Variants in SNTG1 observed in about 807,000 individuals in gnomAD.
SNTG1 encodes syntrophin gamma 1.
In SNTG1, 39 loss-of-function variants were observed where a neutral mutation model predicts 74.7. The observed-to-expected ratio is 0.52, with a 90% confidence interval of 0.40 to 0.68. SNTG1 has a LOEUF of 0.68. Ranked by LOEUF, SNTG1 falls within the 30% of genes least tolerant of loss-of-function variation. The pLI is 0.00. For missense variants in SNTG1, 685 were observed against 609.5 expected, an observed-to-expected ratio of 1.12 and a Z score of -1.30; for synonymous variants, 254 against 217.1, an observed-to-expected ratio of 1.17 and a Z score of -1.49.
chr8:50,585,021 C>T (rs1469814359), intron 12 of SNTG1, among the ~76,000 whole-genome samples: 1 of 152,136 alleles, frequency 6.6e-6, no homozygotes, highest in Non-Finnish European at 1.5e-5. Flanking sequence ...GGCATTGGCT[C>T]TGGGTCATTC....
intron 2 of SNTG1, among the ~76,000 whole-genome samples, chr8:50,300,590 C>T (rs773119226): frequency 1.3e-5 from 2 of 151,372 alleles, no homozygotes; most frequent in African/African-American, 2.4e-5. Context: ...TTAAGTAAAG[C>T]AAATAAATTT....
At chr8:50,185,154 G>A (rs572744473) in intron 2 of SNTG1, among the ~76,000 whole-genome samples, 22 of 152,154 alleles carry the variant, frequency 1.4e-4, no homozygotes, top group Non-Finnish European at 2.2e-4. Context: ...CACATGTCAA[G>A]GGCAGGACCA....
intron 2 of SNTG1, among the ~76,000 whole-genome samples, chr8:50,341,636 T>C (rs17771220): frequency 0.013 from 2,000 of 151,994 alleles, 26 homozygotes; most frequent in Non-Finnish European, 0.021. Context: ...GAGAAAACAT[T>C]GTAGTAAAAA....
chr8:50,116,886 T>G (rs2080842544), intron 1 of SNTG1, among the ~76,000 whole-genome samples: 1 of 152,124 alleles, frequency 6.6e-6, no homozygotes, highest in African/African-American at 2.4e-5. Context: ...CAGAATGACC[T>G]TCAGAACTGC....
intron 11 of SNTG1, among the ~76,000 whole-genome samples, chr8:50,552,691 A>G (rs1011546494): frequency 3.3e-5 from 5 of 152,220 alleles, no homozygotes; most frequent in African/African-American, 1.2e-4. Context: ...AGAGGAGACA[A>G]TGGTAGCCAA....
intron 18 of SNTG1, among the ~76,000 whole-genome samples, chr8:50,779,134 T>G (rs190616241): frequency 1.3e-5 from 2 of 152,140 alleles, no homozygotes; most frequent in African/African-American, 2.4e-5. Context: ...AGTCAGGTAG[T>G]GTGATGCCTC....
At chr8:50,743,961 G>A (rs1255681893) in intron 17 of SNTG1, among the ~76,000 whole-genome samples, 2 of 132,726 alleles carry the variant, frequency 1.5e-5, no homozygotes, top group East Asian at 4.5e-4. Context: ...GCAAAAATAG[G>A]AGCAGAGAGA....
At chr8:50,274,285 C>G (rs1242066479) in intron 2 of SNTG1, among the ~76,000 whole-genome samples, 1 of 151,940 alleles carries the variant, frequency 6.6e-6, no homozygotes, top group Non-Finnish European at 1.5e-5. Context: ...CAGGGTTTCA[C>G]CATGTTGGCC....
chr8:50,140,881 C>A (rs1401630380), intron 1 of SNTG1, among the ~76,000 whole-genome samples: 2 of 152,110 alleles, frequency 1.3e-5, no homozygotes, highest in African/African-American at 4.8e-5. Flanking sequence ...TACATTGGTT[C>A]CATTATAAAG....
intron 17 of SNTG1, among the ~76,000 whole-genome samples, chr8:50,742,359 A>G (rs954468526): frequency 2.6e-5 from 4 of 152,038 alleles, no homozygotes; most frequent in Admixed American, 1.3e-4. Context: ...CTAAAAATCA[A>G]TAACAGAAGA....
chr8:49,969,806 A>G (rs1268038758), intron 1 of SNTG1, among the ~76,000 whole-genome samples: 6 of 152,138 alleles, frequency 3.9e-5, no homozygotes, highest in African/African-American at 1.4e-4. Flanking sequence ...ATCATGGTGT[A>G]TGTTCCAAGT....
chr8:50,414,875 G>A (rs947549320), intron 4 of SNTG1, among the ~76,000 whole-genome samples: 13 of 152,088 alleles, frequency 8.5e-5, no homozygotes, highest in Admixed American at 2.6e-4. Flanking sequence ...TCTCTGAATC[G>A]TTGTTCGTAT....
intron 1 of SNTG1, among the ~76,000 whole-genome samples, chr8:49,996,191 A>T (rs763272814): frequency 4.6e-5 from 7 of 152,142 alleles, no homozygotes; most frequent in Non-Finnish European, 1.0e-4. Flanking sequence ...TAAATAAGAT[A>T]GAAGGTTTAA....
intron 12 of SNTG1, among the ~76,000 whole-genome samples, chr8:50,583,178 G>A (rs2094622479): frequency 6.6e-6 from 1 of 151,796 alleles, no homozygotes; most frequent in African/African-American, 2.4e-5. Context: ...CGAGGCGAGT[G>A]GATCACCTGA....
At chr8:50,272,879 G>A (rs2130308187) in intron 2 of SNTG1, among the ~76,000 whole-genome samples, 1 of 149,342 alleles carries the variant, frequency 6.7e-6, no homozygotes, top group East Asian at 2.0e-4. Context: ...TGTGACTGCA[G>A]GTGTGTGCCA....
At chr8:49,953,359 A>G (rs1258777301) in intron 1 of SNTG1, among the ~76,000 whole-genome samples, 3 of 152,174 alleles carry the variant, frequency 2.0e-5, no homozygotes, top group Non-Finnish European at 4.4e-5. Flanking sequence ...AACAGAGGAT[A>G]AATTTCCTGT....
chr8:50,338,215 G>A (rs891275867), intron 2 of SNTG1, among the ~76,000 whole-genome samples: 5 of 151,966 alleles, frequency 3.3e-5, no homozygotes, highest in African/African-American at 9.7e-5. Flanking sequence ...CAAAAAGGGA[G>A]ACAAAAACAA....
intron 2 of SNTG1, among the ~76,000 whole-genome samples, chr8:50,261,336 A>T (rs1170194065): frequency 6.6e-6 from 1 of 152,192 alleles, no homozygotes; most frequent in Non-Finnish European, 1.5e-5. Flanking sequence ...AGGAGAAATA[A>T]AACTTTTCCA....
chr8:50,218,554 T>C (rs556030771), intron 2 of SNTG1, among the ~76,000 whole-genome samples: 5 of 151,728 alleles, frequency 3.3e-5, no homozygotes, highest in East Asian at 3.9e-4. Context: ...ATTTTTTCTA[T>C]GTTTTTTTTT....
Sources: allele counts gnomAD v4.1 joint callset (sites outside exome capture counted in the v4.1 genomes callset), GRCh38; gene constraint gnomAD v4.1.1; transcripts MANE v1.5; gene names NCBI Gene and HGNC (gene_info 2026-07-23, HGNC 2026-07-21).